Variants in MEGF10 observed in about 807,000 individuals in gnomAD.
The protein encoded by MEGF10 is multiple EGF like domains 10.
Under a neutral mutation model 147.5 loss-of-function variants are expected in MEGF10, and 86 were observed. The ratio of observed to expected loss-of-function variants is 0.58; its 90% CI spans 0.49 to 0.70. The LOEUF (loss-of-function observed/expected upper bound fraction) is 0.70, where lower values mean the gene tolerates loss of function less well. MEGF10 is among the 30% of genes least tolerant of loss of function. The pLI, the probability that MEGF10 is intolerant of heterozygous loss-of-function variation, is 0.00. For missense variants in MEGF10, 1,329 were observed against 1,487.3 expected (o/e 0.89, Z 1.75); for synonymous variants, 478 against 525.5 (o/e 0.91, Z 1.24).
intron 1 of MEGF10, among the ~76,000 whole-genome samples, chr5:127,329,121 T>A (rs1207736390): frequency 6.6e-6 from 1 of 152,180 alleles, no homozygotes; most frequent in Non-Finnish European, 1.5e-5. Context: ...TTTTATTCAT[T>A]CCCCTTAAAT....
chr5:127,308,492 A>G (rs1447278031), intron 1 of MEGF10, among the ~76,000 whole-genome samples: 1 of 152,216 alleles, frequency 6.6e-6, no homozygotes, highest in Non-Finnish European at 1.5e-5. Flanking sequence ...CTTAAAGTTA[A>G]GAAAATGTGG....
chr5:127,366,898 C>T (rs1021180740), intron 4 of MEGF10, among the ~76,000 whole-genome samples: 6 of 152,100 alleles, frequency 3.9e-5, no homozygotes, highest in African/African-American at 1.4e-4. Context: ...AAAATAAAAG[C>T]AACAAAAAAC....
intron 5 of MEGF10, among the ~76,000 whole-genome samples, chr5:127,390,450 G>A (rs185879642): frequency 6.6e-6 from 1 of 152,044 alleles, no homozygotes; most frequent in Admixed American, 6.6e-5. Flanking sequence ...CCAGCACGCT[G>A]GGCTAATTTT....
chr5:127,237,285 G>C, the MEGF10 span, among the ~76,000 whole-genome samples: 1 of 152,106 alleles, frequency 6.6e-6, no homozygotes, highest in Non-Finnish European at 1.5e-5. Flanking sequence ...ACGAGGTCAC[G>C]AGTTCAAGAC....
At chr5:127,329,236 C>G (rs1761157549) in intron 1 of MEGF10, among the ~76,000 whole-genome samples, 1 of 152,084 alleles carries the variant, frequency 6.6e-6, no homozygotes, top group South Asian at 2.1e-4. Context: ...TTTTGGTTAA[C>G]TATTTACGCT....
rs1175095917 is a variant in MEGF10, at chr5:127,433,510, G to C, written c.1840+1G>C. ...TTCCGAGGCACCACTTGTCAGAGGA[G>C]TAAGTGTCTCATTAGGCAGTAATTT... is the stretch of plus-strand genomic sequence containing the variant. On this transcript the variant is annotated splice_donor_variant, in intron 14 of 24. Coordinates refer to ENST00000503335, the MANE Select transcript of MEGF10 (RefSeq NM_001256545.2). LOFTEE classifies it high-confidence loss of function. 1 of 1,597,170 alleles carries C rather than the reference G, an allele frequency of 6.3e-7. No individual in the cohort carries two copies. Among genetic ancestry groups the C allele is most frequent in the Non-Finnish European group, 8.5e-7 (1 of 1,171,394 alleles).
rs182572160 is a variant in MEGF10 at position 127,387,209 on chromosome 5, C to T, written c.413-9323C>T. Among the ~76,000 whole-genome samples, 804 of 152,260 alleles carry T rather than the reference C, an allele frequency of 5.3e-3. 7 individuals carry two copies. The highest frequency in any genetic ancestry group is 0.019 in the African/African-American group (772 of 41,534). On this transcript the variant is annotated intron_variant, in intron 5 of 24. Coordinates refer to ENST00000503335, the MANE Select transcript of MEGF10 (RefSeq NM_001256545.2). ...ACAATGTATTAATGTACCCTTATTC[C>T]TTCCTCCAGAGCACCTCTCCATTTA...
intron 7 of MEGF10, among the ~76,000 whole-genome samples, chr5:127,401,276 T>C (rs906541333): frequency 6.6e-6 from 1 of 152,216 alleles, no homozygotes; most frequent in African/African-American, 2.4e-5. Context: ...TGTGAGCTAA[T>C]TGAGGGTTGT....
chr5:127,389,666 A>T (rs974049571), intron 5 of MEGF10, among the ~76,000 whole-genome samples: 1 of 152,226 alleles, frequency 6.6e-6, no homozygotes, highest in Non-Finnish European at 1.5e-5. Context: ...ATACTAATGC[A>T]GGAACAGAAA....
intron 5 of MEGF10, among the ~76,000 whole-genome samples, chr5:127,394,852 A>C (rs1275388619): frequency 6.6e-6 from 1 of 152,174 alleles, no homozygotes; most frequent in Non-Finnish European, 1.5e-5. Context: ...TAATTGTATT[A>C]AAGTGTGTTT....
Position 127,456,705 on chromosome 5 carries a change from T to A in MEGF10, c.3233-423T>A, listed in dbSNP as rs183715158. ...AAACCTGCCACAGTAGGATGGGAAC[T>A]CAAATGAGAGCCTGAGTCTTGAGTC... On this transcript the variant is annotated intron_variant, in intron 24 of 24. Transcript: ENST00000503335. Among the ~76,000 whole-genome samples, 22 of 152,356 alleles carry A rather than the reference T, an allele frequency of 1.4e-4. No homozygotes were observed. The East Asian group carries it at 4.0e-3, about 28-fold the overall frequency.
rs747413149 is a variant in MEGF10 at position 127,447,698 on chromosome 5, G to T, written c.2856+14G>T. ...ACTGTCACGAAGGTGAGAGGAATTG[G>T]TTCAAGTCTTTGGAAGTGGGCTGGG... On this transcript the variant is annotated intron_variant, in intron 21 of 24. Coordinates refer to ENST00000503335, the MANE Select transcript of MEGF10 (RefSeq NM_001256545.2). 8.7e-6 allele frequency: 14 copies of T among 1,613,822 alleles called. No individual in the cohort carries two copies. The South Asian group carries it at 1.4e-4, about 16-fold the overall frequency.
At chr5:127,330,389 T>C (rs745609011) in intron 1 of MEGF10, among the ~76,000 whole-genome samples, 12 of 152,148 alleles carry the variant, frequency 7.9e-5, no homozygotes, top group Admixed American at 3.3e-4. Flanking sequence ...CCTCTGTCTC[T>C]TTCTCCAGCT....
At chr5:127,400,692 TTC>T (rs549587037) in intron 7 of MEGF10, among the ~76,000 whole-genome samples, 89 of 152,292 alleles carry the variant, frequency 5.8e-4, no homozygotes, top group Admixed American at 5.4e-3. Context: ...GCTGAAGCTC[TTC>T]TCAGTTGGGA....
intron 1 of MEGF10, among the ~76,000 whole-genome samples, chr5:127,299,513 G>T (rs1319111183): frequency 6.6e-6 from 1 of 152,132 alleles, no homozygotes; most frequent in Non-Finnish European, 1.5e-5. Flanking sequence ...ATCTAATCCT[G>T]AGCCCAACAA....
At chr5:127,449,247 C>A (rs1561654400) in intron 22 of MEGF10, 25 bp downstream of exon 22, 1 of 1,612,258 alleles carries the variant, frequency 6.2e-7, no homozygotes, top group Non-Finnish European at 8.5e-7. Flanking sequence ...CGCACGTCCC[C>A]AGAAGCACCT....
chr5:127,423,864 A>G (rs756195166), intron 13 of MEGF10, among the ~76,000 whole-genome samples: 1 of 152,124 alleles, frequency 6.6e-6, no homozygotes, highest in Non-Finnish European at 1.5e-5. Context: ...TTGCAGCAGA[A>G]AAGTTTTTAT....
Position 127,293,303 on chromosome 5 carries a change from T to C in MEGF10, c.-19+2247T>C, listed in dbSNP as rs370209855. On this transcript the variant is annotated intron_variant, in intron 1 of 24. Transcript: ENST00000503335. The stretch of plus-strand genomic sequence containing the variant: ...AGTGAGTAACAACATCGATAATTAA[T>C]GAAAAGGGAAAAGCGTTTATCTCTG... 1.1e-4 allele frequency among the ~76,000 whole-genome samples: 16 copies of C among 152,358 alleles called. 1 individual carries two copies. Among genetic ancestry groups the C allele is most frequent in the African/African-American group, 3.8e-4 (16 of 41,592 alleles).
chr5:127,373,049 A>G (rs1393585634), intron 5 of MEGF10, among the ~76,000 whole-genome samples: 1 of 152,210 alleles, frequency 6.6e-6, no homozygotes, highest in Non-Finnish European at 1.5e-5. Flanking sequence ...ATTTATTTAT[A>G]TCAGTAAGAA....
Sources: allele counts gnomAD v4.1 joint callset (sites outside exome capture counted in the v4.1 genomes callset), GRCh38; gene constraint gnomAD v4.1.1; transcripts MANE v1.5; gene names NCBI Gene and HGNC (gene_info 2026-07-23, HGNC 2026-07-21).